The following WNT3A variants were observed in gnomAD, a reference collection of about 807,000 sequenced individuals.
WNT3A encodes Wnt family member 3A, also known as protein Wnt-3a.
Under a neutral mutation model 37.0 loss-of-function variants are expected in WNT3A, and 17 were observed. The observed-to-expected ratio is 0.46, with a 90% CI of 0.31 to 0.69. WNT3A has a LOEUF of 0.69. Ranked by LOEUF, WNT3A falls within the 30% of genes least tolerant of loss-of-function variation. The probability of loss-of-function intolerance (pLI) is 0.05; values close to 1 mark genes in which losing one functional copy is unlikely to be tolerated. For missense variants in WNT3A, 411 were observed against 510.2 expected (o/e 0.81, Z 1.87); for synonymous variants, 187 against 211.0 (o/e 0.89, Z 0.99).
intron 1 of WNT3A, among the ~76,000 whole-genome samples, chr1:228,014,850 G>A (rs2030480290): frequency 6.6e-6 from 1 of 152,236 alleles, no homozygotes; most frequent in African/African-American, 2.4e-5. Flanking sequence ...GAGTGGGGAA[G>A]AAAAACCATT....
intron 3 of WNT3A, among the ~76,000 whole-genome samples, chr1:228,051,825 T>G (rs961306599): frequency 3.9e-5 from 6 of 151,994 alleles, no homozygotes; most frequent in Non-Finnish European, 5.9e-5. Flanking sequence ...ATGGCAGAAG[T>G]GGAGTGGTAG....
At chr1:228,030,464 C>A (rs913939778) in intron 2 of WNT3A, among the ~76,000 whole-genome samples, 2 of 152,100 alleles carry the variant, frequency 1.3e-5, no homozygotes, top group Admixed American at 1.3e-4. Context: ...ACCTCTCAGT[C>A]CTTCCACCAT....
intron 1 of WNT3A, among the ~76,000 whole-genome samples, chr1:228,012,620 G>A (rs994074431): frequency 6.6e-6 from 1 of 152,130 alleles, no homozygotes; most frequent in Middle Eastern, 3.2e-3. Context: ...CCCCCTTTAA[G>A]AGTAGTTGAA....
chr1:228,015,651 T>C (rs975726061), intron 1 of WNT3A, among the ~76,000 whole-genome samples: 5 of 152,106 alleles, frequency 3.3e-5, no homozygotes, highest in Non-Finnish European at 7.4e-5. Flanking sequence ...ATCCAGATCG[T>C]TGGCATCCAG....
intron 2 of WNT3A, among the ~76,000 whole-genome samples, chr1:228,028,935 A>T (rs532452170): frequency 1.3e-5 from 2 of 152,256 alleles, no homozygotes; most frequent in South Asian, 2.1e-4. Context: ...CTCCTGAGAC[A>T]GTTCTGAGTT....
At position 228,042,483 on chromosome 1, in the gene WNT3A, G is replaced by A. The variant is rs1333281568; in HGVS notation, c.314-8173G>A. On this transcript the variant is annotated intron_variant, in intron 2 of 3. Transcript: ENST00000284523. This position sits in a 1 kb window ranked among gnomAD's most constrained non-coding sequence, Gnocchi z 5.2. ...GGATGAATGGTGATGGATGAATGGT[G>A]ATGGATGGATTAGAGATGGACAGAT... Among the ~76,000 whole-genome samples, 2 of 151,768 alleles carry A rather than the reference G, an allele frequency of 1.3e-5. No homozygotes were observed. The highest frequency in any genetic ancestry group is 1.5e-5 in the Non-Finnish European group (1 of 67,946).
chr1:228,047,767 G>T (rs760010328), intron 2 of WNT3A, among the ~76,000 whole-genome samples: 5 of 152,154 alleles, frequency 3.3e-5, no homozygotes, highest in Non-Finnish European at 7.4e-5. Flanking sequence ...GGGGGAGCAG[G>T]CATGTCATGT....
intron 1 of WNT3A, among the ~76,000 whole-genome samples, chr1:228,018,728 C>G (rs1417014964): frequency 6.6e-6 from 1 of 152,204 alleles, no homozygotes; most frequent in African/African-American, 2.4e-5. Context: ...CCAACTGATC[C>G]TTCAAGGCCC....
intron 2 of WNT3A, among the ~76,000 whole-genome samples, chr1:228,030,864 T>C (rs1489869601): frequency 6.6e-6 from 1 of 152,230 alleles, no homozygotes; most frequent in Non-Finnish European, 1.5e-5. Flanking sequence ...CATGAGCTGA[T>C]GATTCTGTGG....
At position 228,022,781 on chromosome 1, in the gene WNT3A, C is replaced by G. The variant is rs779941062; in HGVS notation, c.186C>G (p.Ile62Met). The change falls in exon 2 of 4, where the codon ATC becomes ATG. Residue 62 changes from isoleucine to methionine, a missense_variant. Coordinates refer to ENST00000284523, the MANE Select transcript of WNT3A (RefSeq NM_033131.4). ...GCTTCTGCAGGAACTACGTGGAGAT[C>G]ATGCCCAGCGTGGCCGAGGGCATCA... ...QLRFCRNYVEIMPSVAEGIKI... is the reference protein window; with the variant it reads ...QLRFCRNYVEMMPSVAEGIKI... The G allele has an allele frequency of 3.7e-6, 6 of 1,614,200 alleles. No individual in the cohort carries two copies. In the Admixed American group the frequency reaches 6.7e-5, roughly 18 times the overall value.
chr1:228,030,529 T>C (rs2030976083), intron 2 of WNT3A, among the ~76,000 whole-genome samples: 1 of 152,230 alleles, frequency 6.6e-6, no homozygotes, highest in South Asian at 2.1e-4. Flanking sequence ...AAGAGAGGTC[T>C]ATGAACCAGG....
At chr1:228,030,413 A>T (rs1034540499) in intron 2 of WNT3A, among the ~76,000 whole-genome samples, 9 of 151,444 alleles carry the variant, frequency 5.9e-5, no homozygotes, top group Non-Finnish European at 1.3e-4. Context: ...AAAAAAGGAA[A>T]AATATAAATA....
chr1:228,054,993 G>A (rs2031641970), intron 3 of WNT3A, among the ~76,000 whole-genome samples: 1 of 150,370 alleles, frequency 6.7e-6, no homozygotes, highest in South Asian at 2.1e-4. Flanking sequence ...AATTAGCCGG[G>A]CGTGGTAGTG....
In WNT3A at chr1:228,042,064, C is replaced by T. The variant is rs1299157664; in HGVS notation, c.314-8592C>T. On this transcript the variant is annotated intron_variant, in intron 2 of 3. Transcript: ENST00000284523. This position sits in a 1 kb window ranked among gnomAD's most constrained non-coding sequence, Gnocchi z 5.2. ...TGTGACCTCGGCTCACTGCAACCTC[C>T]GCCTCCCGGGTTCAAGCGATTCTCC... Among the ~76,000 whole-genome samples, 2 of 152,140 alleles carry T rather than the reference C, an allele frequency of 1.3e-5. No individual in the cohort carries two copies. Among genetic ancestry groups the T allele is most frequent in the African/African-American group, 2.4e-5 (1 of 41,432 alleles).
intron 1 of WNT3A, among the ~76,000 whole-genome samples, chr1:228,020,046 CA>C (rs2030657309): frequency 2.0e-5 from 3 of 152,190 alleles, no homozygotes; most frequent in Admixed American, 2.0e-4. Flanking sequence ...GCCAACATGG[CA>C]AAACCCCGTC....
At chr1:228,043,100 G>A (rs537381572) in intron 2 of WNT3A, among the ~76,000 whole-genome samples, 11 of 152,296 alleles carry the variant, frequency 7.2e-5, no homozygotes, top group South Asian at 6.2e-4. Context: ...ATGAATGAAC[G>A]AAAGGAAGGA....
At chr1:228,055,198 A>G (rs1416042779) in intron 3 of WNT3A, among the ~76,000 whole-genome samples, 3 of 76,046 alleles carry the variant, frequency 3.9e-5, no homozygotes, top group African/African-American at 1.2e-4. Context: ...ATATATATAT[A>G]TATATATATA....
intron 2 of WNT3A, among the ~76,000 whole-genome samples, chr1:228,043,205 G>A (rs2031329474): frequency 6.6e-6 from 1 of 152,232 alleles, no homozygotes; most frequent in Non-Finnish European, 1.5e-5. Flanking sequence ...CCAGGTGGAA[G>A]ATACTTCCCT....
At chr1:228,045,948 GC>G (rs1057119785) in intron 2 of WNT3A, among the ~76,000 whole-genome samples, 15 of 152,206 alleles carry the variant, frequency 9.9e-5, no homozygotes, top group Non-Finnish European at 2.2e-4. Context: ...AACAGTCCCT[GC>G]CCCTAGGCAG....
Sources: gnomAD v4.1 joint callset for allele counts (sites outside exome capture counted in the v4.1 genomes callset) on GRCh38, gnomAD v4.1.1 for gene constraint, Gnocchi (gnomAD v3.1) non-coding constraint, MANE v1.5 for transcripts, NCBI Gene and HGNC (gene_info 2026-07-23, HGNC 2026-07-21) for gene names.